Variants in LAMA5 observed in about 807,000 individuals in gnomAD.
The protein encoded by LAMA5 is laminin subunit alpha-5.
LAMA5 carries 260 observed loss-of-function variants against 433.4 expected under a neutral mutation model. The ratio of observed to expected loss-of-function variants is 0.60; its 90% CI spans 0.54 to 0.66. The LOEUF is 0.66. Ranked by LOEUF, LAMA5 falls within the 30% of genes least tolerant of loss-of-function variation. The probability of loss-of-function intolerance (pLI) is 0.00; values close to 1 mark genes in which losing one functional copy is unlikely to be tolerated. For synonymous variants in LAMA5, 2,620 were observed against 2,226.6 expected, an observed-to-expected ratio of 1.18 and a Z score of -4.97; for missense variants, 5,378 against 5,258.5, an observed-to-expected ratio of 1.02 and a Z score of -0.70.
intron 23 of LAMA5, 55 bp from the exon 24 acceptor site, chr20:62,333,761 C>A: frequency 6.6e-7 from 1 of 1,511,598 alleles, no homozygotes; most frequent in South Asian, 1.3e-5. Context: ...CCACCCCAGG[C>A]TGCACCCCCT....
At chr20:62,338,434 G>A (rs370361092) in intron 12 of LAMA5, 34 bp downstream of exon 12, 99 of 1,607,694 alleles carry the variant, frequency 6.2e-5, no homozygotes, top group Non-Finnish European at 7.5e-5. Flanking sequence ...CACCTCGAGC[G>A]CAGGTAGAGG....
At chr20:62,352,210 C>G in intron 4 of LAMA5, 32 bp downstream of exon 4, 8 of 1,569,582 alleles carry the variant, frequency 5.1e-6, no homozygotes, top group Non-Finnish European at 6.9e-6. Context: ...CGTTCTCCAG[C>G]CCCCGTACCG....
In LAMA5 at chr20:62,319,009, G is replaced by T; in HGVS notation, c.6876C>A (p.Leu2292=). The T allele has an allele frequency of 6.3e-7, 1 of 1,575,918 alleles. No homozygotes were observed. ...IRAVDRTLSE[L]MSQTGHLGLA... ...GCCCCAGGTGGCCCGTCTGGGACATGAGCTCTGTGGGGCAGGGGTTCGTCA... is the reference window on the plus strand; with the variant it reads ...GCCCCAGGTGGCCCGTCTGGGACATTAGCTCTGTGGGGCAGGGGTTCGTCA... Residue 2292 remains leucine, a synonymous_variant, in exon 52 of 80, where the codon CTC becomes CTA. Coordinates refer to ENST00000252999, the MANE Select transcript of LAMA5 (RefSeq NM_005560.6).
intron 58 of LAMA5, 120 bp from the exon 59 acceptor site, chr20:62,315,327 A>G: frequency 6.4e-6 from 5 of 778,642 alleles, no homozygotes; most frequent in Non-Finnish European, 1.0e-5. Context: ...ATCGTGTGAG[A>G]CCCTCACACC....
chr20:62,355,719 TATACCCAGCCCCACACCCGGGCCTCAG>T (rs1985103891), intron 2 of LAMA5, among the ~76,000 whole-genome samples: 2 of 152,008 alleles, frequency 1.3e-5, no homozygotes, highest in African/African-American at 4.8e-5. Flanking sequence ...GGACAGACCC[TATACCCAGCCCCACACCCGGGCCTCAG>T]CAGCCCCCTG....
Position 62,314,713 on chromosome 20 carries a change from T to A in LAMA5, c.8209A>T (p.Met2737Leu), listed in dbSNP as rs201506602. The change falls in exon 61 of 80, where the codon ATG becomes TTG. Residue 2737 changes from methionine (M) to leucine (L), a missense_variant. Physicochemically the swap from Met to Leu is conservative, Grantham distance 15. Coordinates refer to ENST00000252999, the MANE Select transcript of LAMA5 (RefSeq NM_005560.6). The part of the protein sequence containing the change: ...RGAASKVKVP[M>L]KFNGRSGVQL... The stretch of plus-strand genomic sequence containing the variant: ...ACCCCTGAGCGCCCGTTGAACTTCA[T>A]GGGCACCTTGACCTGCGGGGCACGG... 5.2e-5 allele frequency: 84 copies of A among 1,612,556 alleles called. No individual in the cohort carries two copies. Among genetic ancestry groups the A allele is most frequent in the Non-Finnish European group, 6.8e-5 (80 of 1,179,840 alleles).
rs778474043 is a variant in LAMA5, at chr20:62,327,537, G to A, written c.4930C>T (p.Arg1644Cys). ...CAGTCCTGCAGGCGCACCTCCTGGC[G>A]GGTGTAGGACGAGCTCCGGCAGCGC... Reference protein sequence around the residue: ...TERCRSSSYTRQEFVDMEGWV... With the variant: ...TERCRSSSYTCQEFVDMEGWV... The change falls in exon 37 of 80, where the codon CGC (arginine) becomes TGC (cysteine). Residue 1644 changes from arginine to cysteine, a missense_variant. Physicochemically the swap from Arg to Cys is radical, Grantham distance 180. Coordinates refer to ENST00000252999, the MANE Select transcript of LAMA5 (RefSeq NM_005560.6). 2.5e-5 allele frequency: 40 copies of A among 1,612,772 alleles called. No homozygotes were observed. Among genetic ancestry groups the A allele is most frequent in the Middle Eastern group, 1.6e-4 (1 of 6,084 alleles).
chr20:62,333,502 TGA>T (rs759233315), intron 24 of LAMA5, 21 bp from the exon 25 acceptor site: 19 of 1,603,164 alleles, frequency 1.2e-5, no homozygotes, highest in South Asian at 3.4e-5. Flanking sequence ...GAGGTGGTGC[TGA>T]GAGTGGTGGG....
chr20:62,317,571 T>A, intron 54 of LAMA5, 72 bp from the exon 55 acceptor site: 2 of 1,520,800 alleles, frequency 1.3e-6, no homozygotes, highest in Non-Finnish European at 1.8e-6. Flanking sequence ...GGGCGGGCTC[T>A]GCACGCAAGT....
rs1979319704 is a variant in LAMA5 at position 62,326,528 on chromosome 20, T to A, written c.5298+149A>T. On this transcript the variant is annotated intron_variant, in intron 40 of 79. Coordinates refer to ENST00000252999, the MANE Select transcript of LAMA5 (RefSeq NM_005560.6). ...CACAGAAGATATCTGACAATGGGTG[T>A]GGGGACCTCCCCAGCCCCCACCCCG... 25 of 622,558 alleles carry A rather than the reference T, an allele frequency of 4.0e-5. No homozygotes were observed. The South Asian group carries it at 4.4e-4, about 11-fold the overall frequency. 38.6% of individuals were successfully genotyped at this position (622,558 alleles called of 1,614,324 possible).
intron 70 of LAMA5, 32 bp from the exon 71 acceptor site, chr20:62,311,816 T>TGGGGGCCC: frequency 5.3e-6 from 8 of 1,520,988 alleles, no homozygotes; most frequent in Non-Finnish European, 6.2e-6. Context: ...GCTCGGTTTT[T>TGGGGGCCC]CCCCACCCTG....
rs927719260 is a variant in LAMA5 at position 62,324,638 on chromosome 20, G to A, written c.5530-84C>T. 5 of 839,814 alleles carry A rather than the reference G, an allele frequency of 6.0e-6. No homozygotes were observed. The highest frequency in any genetic ancestry group is 8.0e-6 in the Non-Finnish European group (4 of 502,442). 52.0% of individuals were successfully genotyped at this position (839,814 alleles called of 1,614,324 possible). On this transcript the variant is annotated intron_variant, in intron 41 of 79. Transcript: ENST00000252999. The surrounding 1 kb of genome is among the most constrained non-coding windows in gnomAD (Gnocchi z 4.4). ...GCAAGCTCACAAGTCAGACCCTCAG[G>A]GATCCTGCAGGCACGAGGCACTGGG...
rs77177699 is a variant in LAMA5 at position 62,332,386 on chromosome 20, C to A, written c.3538G>T (p.Ala1180Ser). 1,009 of 1,611,974 alleles carry A rather than the reference C, an allele frequency of 6.3e-4. 8 individuals carry two copies. In the African/African-American group the frequency reaches 0.012, roughly 19 times the overall value. The change falls in exon 28 of 80, where the codon GCA (alanine) becomes TCA (serine). Residue 1180 changes from alanine (A) to serine (S), a missense_variant. Coordinates refer to ENST00000252999, the MANE Select transcript of LAMA5 (RefSeq NM_005560.6). Reference protein sequence around the residue: ...EASVRLTAEQARFFLHGVTLV... With the variant: ...EASVRLTAEQSRFFLHGVTLV... ...GGGGTCCTTACCAGGAAGAAGCGTGCCTGTTCGGCTGTGAGCCTCACGCTG... is the reference window on the plus strand; with the variant it reads ...GGGGTCCTTACCAGGAAGAAGCGTGACTGTTCGGCTGTGAGCCTCACGCTG...
chr20:62,317,676 C>T lies in LAMA5; in HGVS notation c.7342G>A (p.Asp2448Asn). The change falls in exon 54 of 80, where the codon GAC becomes AAC. Residue 2448 changes from aspartate (D) to asparagine (N), a missense_variant. By Grantham distance (23) the Asp-to-Asn change is conservative (BLOSUM62 1). Transcript: ENST00000252999. ...GCTGCACTCACCTCCTTAGCCTGGT[C>T]CAGGCTGTGCAGCAATCTGAAGACG... ...ASVFRLLHSL[D>N]QAKEELERLA... 2 of 1,591,412 alleles carry T rather than the reference C, an allele frequency of 1.3e-6. No individual in the cohort carries two copies. Among genetic ancestry groups the T allele is most frequent in the Admixed American group, 1.8e-5 (1 of 56,650 alleles).
intron 52 of LAMA5, 67 bp downstream of exon 52, chr20:62,318,776 C>T: frequency 1.9e-6 from 3 of 1,583,002 alleles, no homozygotes; most frequent in Admixed American, 3.5e-5. Context: ...TCCATGCTGA[C>T]CTCCCCCTTG....
rs915397036 is a variant in LAMA5, at chr20:62,367,050, C to T, written c.196G>A (p.Glu66Lys). 1.4e-5 allele frequency: 18 copies of T among 1,266,624 alleles called. No individual in the cohort carries two copies. The highest frequency in any genetic ancestry group is 1.7e-5 in the Non-Finnish European group (17 of 1,009,032). The allele number at this position is 1,266,624 out of a possible 1,614,324, so 78.5% of individuals were successfully genotyped here. The change falls in exon 1 of 80, where the codon GAG (glutamate) becomes AAG (lysine). Residue 66 changes from glutamate to lysine, a missense_variant. Transcript: ENST00000252999. ...GGGGAGCCGCGCGCCGGGGCCTCCT[C>T]TCCGCAGGTCGCGGAGGCGGCGATG... Reference protein sequence around the residue: ...ARIAASATCGEEAPARGSPRP... With the variant: ...ARIAASATCGKEAPARGSPRP...
chr20:62,343,642 G>T (rs923935008), intron 11 of LAMA5, among the ~76,000 whole-genome samples: 6 of 151,678 alleles, frequency 4.0e-5, no homozygotes, highest in Non-Finnish European at 8.8e-5. Flanking sequence ...CAGGCATGGT[G>T]GCGCATGCCT....
At chr20:62,315,888 C>G (rs571584715) in intron 58 of LAMA5, 60 bp downstream of exon 58, 22 of 1,299,860 alleles carry the variant, frequency 1.7e-5, no homozygotes, top group Non-Finnish European at 2.4e-5. Context: ...GTGGCCAGCG[C>G]CACTGTCACA....
intron 45 of LAMA5, 44 bp from the exon 46 acceptor site, chr20:62,322,802 C>A (rs755413254): frequency 1.6e-6 from 2 of 1,251,266 alleles, no homozygotes; most frequent in Non-Finnish European, 2.1e-6. Context: ...CCTCTCACCC[C>A]CCCAGGGAGC....
Sources: allele counts gnomAD v4.1 joint callset (sites outside exome capture counted in the v4.1 genomes callset), GRCh38; gene constraint gnomAD v4.1.1; non-coding constraint Gnocchi (gnomAD v3.1); transcripts MANE v1.5; gene names NCBI Gene and HGNC (gene_info 2026-07-23, HGNC 2026-07-21).